Variants in LRP1B observed in about 807,000 individuals in gnomAD.
LRP1B encodes low-density lipoprotein receptor-related protein 1B.
LRP1B carries 217 observed loss-of-function variants against 556.6 expected under a neutral mutation model. The observed-to-expected ratio is 0.39, with a 90% confidence interval of 0.35 to 0.44. LRP1B has a LOEUF of 0.44. Among genes scored for constraint, LRP1B ranks in the 20% least tolerant of loss-of-function variants. LRP1B has a pLI of 1.00. For synonymous variants in LRP1B, 2,047 were observed against 1,865.8 expected (o/e 1.10, Z -2.50); for missense variants, 5,053 against 5,620.8 (o/e 0.90, Z 3.23).
In LRP1B at chr2:140,337,408, T is replaced by C. The variant is rs182670592; in HGVS notation, c.11893-1570A>G. 3.6e-3 allele frequency among the ~76,000 whole-genome samples: 541 copies of C among 152,072 alleles called. 3 individuals carry two copies. Among genetic ancestry groups the C allele is most frequent in the South Asian group, 7.7e-3 (37 of 4,826 alleles). ...AGAAATGTCATATAAATAATATTCATAGATGTTTAGAATATAAATATTTGT... is the reference window on the plus strand; with the variant it reads ...AGAAATGTCATATAAATAATATTCACAGATGTTTAGAATATAAATATTTGT... On this transcript the variant is annotated intron_variant, in intron 77 of 90. Transcript: ENST00000389484.
intron 2 of LRP1B, chr2:141,805,537 A>T (rs970013622): frequency 3.3e-5 from 5 of 152,150 alleles, no homozygotes; most frequent in Non-Finnish European, 5.9e-5. Context: ...TGCTTCGTGC[A>T]TTCATTGTGT....
In LRP1B at chr2:141,643,019, C is replaced by T. The variant is rs143123468; in HGVS notation, c.206-162486G>A. On this transcript the variant is annotated intron_variant, in intron 2 of 90. Transcript: ENST00000389484. ...TTAAGGGTCATGCTATTGAAAAAGA[C>T]ATGAAAAATGTGATGAAAGAATACT... Among the ~76,000 whole-genome samples the T allele has an allele frequency of 3.1e-3, 465 of 152,140 alleles. 3 individuals are homozygous for T. Among genetic ancestry groups the T allele is most frequent in the African/African-American group, 0.011 (442 of 41,514 alleles).
chr2:141,878,495 G>A (rs1411823706), intron 1 of LRP1B, among the ~76,000 whole-genome samples: 7 of 151,804 alleles, frequency 4.6e-5, no homozygotes, highest in African/African-American at 1.7e-4. Flanking sequence ...TCAAAGAGTT[G>A]ATAGGCAATA....
At chr2:140,854,508 C>T (rs142768988) in intron 27 of LRP1B, among the ~76,000 whole-genome samples, 1,592 of 152,194 alleles carry the variant, frequency 0.01, 22 homozygotes, top group African/African-American at 0.032. Context: ...AATATTATTT[C>T]AAAGTTTCTT....
intron 37 of LRP1B, among the ~76,000 whole-genome samples, chr2:140,710,684 G>C (rs1351085435): frequency 6.6e-6 from 1 of 151,840 alleles, no homozygotes; most frequent in African/African-American, 2.4e-5. Context: ...GAAAATGCAG[G>C]GTCAGAGAAG....
chr2:140,312,563 AATTTTCTCT>A (rs964451089), intron 83 of LRP1B, among the ~76,000 whole-genome samples: 12 of 151,878 alleles, frequency 7.9e-5, no homozygotes, highest in Admixed American at 1.3e-4. Context: ...ATCTTTCAAA[AATTTTCTCT>A]ATTTTTCAAT....
At chr2:141,396,148 C>T (rs947663461) in intron 3 of LRP1B, among the ~76,000 whole-genome samples, 1 of 151,916 alleles carries the variant, frequency 6.6e-6, no homozygotes, top group Admixed American at 6.6e-5. Flanking sequence ...TTTAAGGCAG[C>T]TGTCAAAAAA....
intron 3 of LRP1B, among the ~76,000 whole-genome samples, chr2:141,344,446 G>A (rs769765698): frequency 1.3e-5 from 2 of 152,050 alleles, no homozygotes; most frequent in Non-Finnish European, 2.9e-5. Context: ...TTTGGCGTAG[G>A]TGTTTTCTCT....
chr2:141,778,969 A>T (rs1695159152), intron 2 of LRP1B, among the ~76,000 whole-genome samples: 1 of 152,220 alleles, frequency 6.6e-6, no homozygotes, highest in African/African-American at 2.4e-5. Flanking sequence ...TTTCATAGCC[A>T]TTATGTCTTA....
intron 37 of LRP1B, among the ~76,000 whole-genome samples, chr2:140,712,336 C>T (rs887328577): frequency 2.6e-5 from 4 of 152,018 alleles, no homozygotes; most frequent in Non-Finnish European, 5.9e-5. Flanking sequence ...CTTTCTTCCC[C>T]TTTTCGACTG....
chr2:140,952,524 A>C (rs1695748309), intron 18 of LRP1B, among the ~76,000 whole-genome samples: 1 of 152,130 alleles, frequency 6.6e-6, no homozygotes, highest in Non-Finnish European at 1.5e-5. Flanking sequence ...ACAACAACAA[A>C]AAAAACAAAA....
chr2:141,473,854 T>C (rs887065673), intron 3 of LRP1B, among the ~76,000 whole-genome samples: 1 of 152,176 alleles, frequency 6.6e-6, no homozygotes, highest in African/African-American at 2.4e-5. Context: ...GTTTTGGAAT[T>C]CTGCATGCTG....
intron 3 of LRP1B, among the ~76,000 whole-genome samples, chr2:141,296,086 A>G (rs1237160382): frequency 6.6e-6 from 1 of 152,174 alleles, no homozygotes. Context: ...TCCCAAAATT[A>G]TGTACAAAGG....
chr2:142,005,818 C>T (rs753846832), intron 1 of LRP1B, among the ~76,000 whole-genome samples: 1 of 149,208 alleles, frequency 6.7e-6, no homozygotes, highest in Non-Finnish European at 1.5e-5. Context: ...TTCAAACCAT[C>T]AAAGTAGAAA....
intron 14 of LRP1B, among the ~76,000 whole-genome samples, chr2:141,012,564 T>G (rs1697785824): frequency 6.6e-6 from 1 of 152,002 alleles, no homozygotes; most frequent in Non-Finnish European, 1.5e-5. Flanking sequence ...TAAGTTTTAT[T>G]CTTCTAAAAG....
intron 49 of LRP1B, among the ~76,000 whole-genome samples, chr2:140,521,437 C>T (rs1434868553): frequency 6.6e-6 from 1 of 151,984 alleles, no homozygotes; most frequent in African/African-American, 2.4e-5. Flanking sequence ...AAGAATTTTA[C>T]ACTAACCTCC....
At chr2:141,026,887 A>G (rs1021655022) in intron 11 of LRP1B, among the ~76,000 whole-genome samples, 2 of 152,130 alleles carry the variant, frequency 1.3e-5, no homozygotes, top group Non-Finnish European at 2.9e-5. Flanking sequence ...TTGTACATCT[A>G]CAAATAATGA....
In LRP1B at chr2:141,896,698, AT is replaced by A. The variant is rs1357955259; in HGVS notation, c.83-86298del. On this transcript the variant is annotated intron_variant, in intron 1 of 90. Transcript: ENST00000389484. ...CCATATTTTAATGTAATATATTTAG[AT>A]TTTTGTTGACATAAATACAAACATA... is the stretch of plus-strand genomic sequence containing the variant. 5.3e-5 allele frequency among the ~76,000 whole-genome samples: 8 copies of A among 152,306 alleles called. No homozygotes were observed. The East Asian group carries it at 1.5e-3, about 29-fold the overall frequency.
At chr2:141,262,590 A>C (rs1026583561) in intron 3 of LRP1B, among the ~76,000 whole-genome samples, 10 of 152,102 alleles carry the variant, frequency 6.6e-5, no homozygotes, top group Admixed American at 5.9e-4. Flanking sequence ...AATTTCCATA[A>C]ATGGTAAAAT....
Sources: gnomAD v4.1 joint callset for allele counts (sites outside exome capture counted in the v4.1 genomes callset) on GRCh38, gnomAD v4.1.1 for gene constraint, MANE v1.5 for transcripts, NCBI Gene and HGNC (gene_info 2026-07-23, HGNC 2026-07-21) for gene names.